Variants in RASGRP3 observed in about 807,000 individuals in gnomAD.
The protein encoded by RASGRP3 is ras guanyl-releasing protein 3.
In RASGRP3, 54 loss-of-function variants were observed where a neutral mutation model predicts 82.7. The ratio of observed to expected loss-of-function variants is 0.65; its 90% confidence interval spans 0.52 to 0.82. The LOEUF (loss-of-function observed/expected upper bound fraction) is 0.82. Ranked by LOEUF, RASGRP3 falls within the 40% of genes least tolerant of loss-of-function variation. The pLI is 0.00. For missense variants in RASGRP3, 861 were observed against 828.9 expected, an observed-to-expected ratio of 1.04 and a Z score of -0.48; for synonymous variants, 309 against 300.5, an observed-to-expected ratio of 1.03 and a Z score of -0.29.
intron 4 of RASGRP3, 48 bp downstream of exon 4, chr2:33,516,692 T>A (rs748046537): frequency 7.9e-7 from 1 of 1,260,104 alleles, no homozygotes; most frequent in Non-Finnish European, 1.1e-6. Context: ...AATCAAGCTC[T>A]GTATTTAGAT....
chr2:33,486,273 C>T (rs1165249439), intron 1 of RASGRP3, among the ~76,000 whole-genome samples: 1 of 151,920 alleles, frequency 6.6e-6, no homozygotes, highest in Admixed American at 6.6e-5. Context: ...AAGCGATTCT[C>T]CTGCCTCAGC....
intron 2 of RASGRP3, among the ~76,000 whole-genome samples, chr2:33,459,517 C>T (rs1235465128): frequency 2.0e-5 from 3 of 152,004 alleles, no homozygotes; most frequent in Admixed American, 6.6e-5. Flanking sequence ...TAAAGGTAAA[C>T]AAAGCCAAAC....
chr2:33,538,666 C>T (rs1673905176), intron 11 of RASGRP3, among the ~76,000 whole-genome samples: 1 of 152,144 alleles, frequency 6.6e-6, no homozygotes, highest in South Asian at 2.1e-4. Context: ...ATGTAAGTTT[C>T]TACTGGTATT....
At chr2:33,484,194 A>G (rs545932981) in intron 1 of RASGRP3, among the ~76,000 whole-genome samples, 5 of 152,268 alleles carry the variant, frequency 3.3e-5, no homozygotes, top group Non-Finnish European at 7.4e-5. Context: ...GCTTTTCAGA[A>G]CTCCCTAGAC....
chr2:33,461,725 A>G (rs1036300134), intron 2 of RASGRP3, among the ~76,000 whole-genome samples: 2 of 152,260 alleles, frequency 1.3e-5, no homozygotes, highest in Admixed American at 1.3e-4. Flanking sequence ...AGCCGTAAGA[A>G]TATTTTATCC....
At chr2:33,547,050 A>AG (rs1297573725) in intron 13 of RASGRP3, among the ~76,000 whole-genome samples, 6 of 76,246 alleles carry the variant, frequency 7.9e-5, no homozygotes, top group East Asian at 2.9e-4. Flanking sequence ...TCTCTGTCTC[A>AG]GGGAAAAAAA....
chr2:33,539,030 C>A (rs534577150), intron 11 of RASGRP3, 64 bp from the exon 12 acceptor site: 4 of 1,198,184 alleles, frequency 3.3e-6, no homozygotes, highest in South Asian at 2.8e-5. Flanking sequence ...CAGAACCAGA[C>A]CCTGTCTCAA....
At chr2:33,557,371 T>C (rs1179507879) in intron 15 of RASGRP3, among the ~76,000 whole-genome samples, 1 of 152,132 alleles carries the variant, frequency 6.6e-6, no homozygotes, top group Non-Finnish European at 1.5e-5. Context: ...GCAGAAGATA[T>C]AATCACTGGC....
upstream of RASGRP3, among the ~76,000 whole-genome samples, chr2:33,473,311 A>AGAC (rs1233300120): frequency 6.6e-6 from 1 of 152,078 alleles, no homozygotes; most frequent in Non-Finnish European, 1.5e-5. Flanking sequence ...TGAACCTGGG[A>AGAC]GACGGAGCTT....
chr2:33,439,128 T>C (rs1665084278), intron 1 of RASGRP3, among the ~76,000 whole-genome samples: 1 of 152,224 alleles, frequency 6.6e-6, no homozygotes, highest in Non-Finnish European at 1.5e-5. Flanking sequence ...TCATCCTGTA[T>C]TACAGGTCTA....
intron 5 of RASGRP3, among the ~76,000 whole-genome samples, 170 bp downstream of exon 5, chr2:33,520,184 A>G (rs976414193): frequency 1.3e-5 from 2 of 152,140 alleles, no homozygotes; most frequent in African/African-American, 2.4e-5. Flanking sequence ...GGGGGGAACT[A>G]TCTTTTGGAC....
intron 2 of RASGRP3, among the ~76,000 whole-genome samples, chr2:33,470,178 T>C (rs1389217684): frequency 6.6e-6 from 1 of 152,186 alleles, no homozygotes; most frequent in African/African-American, 2.4e-5. Context: ...AATTTGATTA[T>C]ATTTATAAAT....
At chr2:33,455,384 C>G (rs756002402) in intron 2 of RASGRP3, among the ~76,000 whole-genome samples, 2 of 152,194 alleles carry the variant, frequency 1.3e-5, no homozygotes, top group South Asian at 4.1e-4. Flanking sequence ...GAAGCCACAT[C>G]TTTTGATTCT....
intron 1 of RASGRP3, among the ~76,000 whole-genome samples, chr2:33,447,262 T>C (rs1367504451): frequency 6.6e-6 from 1 of 152,104 alleles, no homozygotes; most frequent in Non-Finnish European, 1.5e-5. Context: ...ATTATGTATG[T>C]AGCCCAAGGA....
chr2:33,533,500 T>G (rs1459236422), intron 10 of RASGRP3: 1 of 152,262 alleles, frequency 6.6e-6, no homozygotes, highest in African/African-American at 2.4e-5. Flanking sequence ...AGGTCCTGTG[T>G]GAAATACTTT....
intron 11 of RASGRP3, among the ~76,000 whole-genome samples, chr2:33,535,584 C>T (rs1460296909): frequency 2.0e-5 from 3 of 152,248 alleles, no homozygotes; most frequent in Non-Finnish European, 2.9e-5. Context: ...AGGGCATGCA[C>T]TTGAGCCTGA....
chr2:33,473,340 G>A (rs773586476), upstream of RASGRP3, among the ~76,000 whole-genome samples: 3 of 151,692 alleles, frequency 2.0e-5, no homozygotes, highest in Non-Finnish European at 4.4e-5. Flanking sequence ...CCGAGATCGC[G>A]CCACCACACT....
At chr2:33,500,100 CA>C (rs1426203687) in intron 1 of RASGRP3, among the ~76,000 whole-genome samples, 3 of 151,662 alleles carry the variant, frequency 2.0e-5, no homozygotes, top group Non-Finnish European at 1.5e-5. Flanking sequence ...GAGAGACATT[CA>C]AAAAAATAAA....
intron 13 of RASGRP3, among the ~76,000 whole-genome samples, chr2:33,548,230 G>A (rs1292401868): frequency 1.3e-5 from 2 of 151,660 alleles, no homozygotes; most frequent in African/African-American, 2.4e-5. Context: ...GCGCAGTGGC[G>A]GGCGCCTGTA....
Sources: gnomAD v4.1 joint callset for allele counts (sites outside exome capture counted in the v4.1 genomes callset) on GRCh38, gnomAD v4.1.1 for gene constraint, MANE v1.5 for transcripts, NCBI Gene and HGNC (gene_info 2026-07-23, HGNC 2026-07-21) for gene names.